Variants in ELMO1 observed in about 807,000 individuals in gnomAD.
The protein encoded by ELMO1 is engulfment and cell motility 1.
A neutral mutation model predicts 98.9 loss-of-function variants in ELMO1; 26 were observed. The observed-to-expected ratio is 0.26, with a 90% CI of 0.19 to 0.36. ELMO1 has a LOEUF of 0.36. Among genes scored for constraint, ELMO1 ranks in the 10% least tolerant of loss-of-function variants. The pLI, the probability that ELMO1 is intolerant of heterozygous loss-of-function variation, is 1.00. For synonymous variants in ELMO1, 346 were observed against 346.0 expected (o/e 1.00, Z 0.00); for missense variants, 627 against 935.2 (o/e 0.67, Z 4.30).
chr7:36,946,677 T>G (rs968456830), intron 16 of ELMO1, among the ~76,000 whole-genome samples: 1 of 152,168 alleles, frequency 6.6e-6, no homozygotes, highest in Non-Finnish European at 1.5e-5. Context: ...TCACTGAAAA[T>G]AGTCATCTCT....
At chr7:36,862,831 G>A (rs541301446) in intron 20 of ELMO1, among the ~76,000 whole-genome samples, 3 of 152,276 alleles carry the variant, frequency 2.0e-5, no homozygotes, top group Admixed American at 6.5e-5. Flanking sequence ...CTTTCTTAGG[G>A]AGCCAATCTC....
intron 1 of ELMO1, among the ~76,000 whole-genome samples, chr7:37,442,488 A>T (rs1805451784): frequency 6.6e-6 from 1 of 152,194 alleles, no homozygotes; most frequent in African/African-American, 2.4e-5. Flanking sequence ...ACCATGACTC[A>T]TCCACAGAGG....
At chr7:36,861,962 C>T in intron 20 of ELMO1, 1 of 565,128 alleles carries the variant, frequency 1.8e-6, no homozygotes, top group Non-Finnish European at 3.2e-6. Context: ...CGCATGCAGC[C>T]CATGTAGCAA....
At position 36,870,511 on chromosome 7, in the gene ELMO1, C is replaced by T; in HGVS notation, c.1823-36G>A. The T allele has an allele frequency of 6.3e-7, 1 of 1,599,564 alleles. No individual in the cohort carries two copies. Among genetic ancestry groups the T allele is most frequent in the Non-Finnish European group, 8.5e-7 (1 of 1,171,344 alleles). ...TAAAAGAAAATGCAAGTAACTACACCATGTGAAAACTTTGATGTCAATAAA... is the reference window on the plus strand; with the variant it reads ...TAAAAGAAAATGCAAGTAACTACACTATGTGAAAACTTTGATGTCAATAAA... On this transcript the variant is annotated intron_variant, in intron 19 of 21. Coordinates refer to ENST00000310758, the MANE Select transcript of ELMO1 (RefSeq NM_014800.11). The surrounding 1 kb of genome is among the most constrained non-coding windows in gnomAD (Gnocchi z 4.4).
At chr7:37,361,832 G>A (rs2700974) in intron 1 of ELMO1, among the ~76,000 whole-genome samples, 132,507 of 152,152 alleles carry the variant, frequency 0.87, 57,840 homozygotes, top group East Asian at 0.99. Context: ...GTGGTAGCAC[G>A]CACCTGTAAG....
At chr7:36,974,668 G>A (rs1164596575) in intron 16 of ELMO1, among the ~76,000 whole-genome samples, 1 of 152,170 alleles carries the variant, frequency 6.6e-6, no homozygotes, top group Non-Finnish European at 1.5e-5. Flanking sequence ...GAGAATAAAA[G>A]CAGGCTGCCC....
intron 15 of ELMO1, among the ~76,000 whole-genome samples, chr7:37,053,995 A>C (rs1051955894): frequency 1.1e-4 from 16 of 152,342 alleles, no homozygotes; most frequent in African/African-American, 2.9e-4. Context: ...CTGAATGTAT[A>C]GTTTGCATTC....
intron 16 of ELMO1, among the ~76,000 whole-genome samples, chr7:36,965,483 C>T (rs1366502098): frequency 6.6e-6 from 1 of 152,152 alleles, no homozygotes. Context: ...GAAAATGGCT[C>T]AGTAAGGGGA....
intron 2 of ELMO1, among the ~76,000 whole-genome samples, chr7:37,333,294 A>T (rs934453976): frequency 1.3e-5 from 2 of 152,232 alleles, no homozygotes; most frequent in African/African-American, 4.8e-5. Context: ...ACAGGAAAAT[A>T]AGCACAAAGT....
intron 17 of ELMO1, among the ~76,000 whole-genome samples, chr7:36,889,250 T>C (rs1354803504): frequency 6.6e-6 from 1 of 152,216 alleles, no homozygotes; most frequent in African/African-American, 2.4e-5. Context: ...GGAAATTCAG[T>C]CCTAATAATA....
At chr7:37,234,427 C>A (rs1794348611) in intron 7 of ELMO1, among the ~76,000 whole-genome samples, 1 of 152,166 alleles carries the variant, frequency 6.6e-6, no homozygotes, top group South Asian at 2.1e-4. Context: ...CAAAAATGAC[C>A]TTTGAAATTC....
chr7:37,015,207 G>T (rs1317923421), intron 15 of ELMO1, among the ~76,000 whole-genome samples: 1 of 152,152 alleles, frequency 6.6e-6, no homozygotes, highest in South Asian at 2.1e-4. Flanking sequence ...GGAAGAGTCC[G>T]GGGGTGGGGT....
At chr7:36,953,726 G>A (rs1446720195) in intron 16 of ELMO1, among the ~76,000 whole-genome samples, 1 of 152,074 alleles carries the variant, frequency 6.6e-6, no homozygotes, top group Non-Finnish European at 1.5e-5. Context: ...CATATAAAAT[G>A]AATCCATTGA....
At chr7:36,985,342 C>T (rs1469901231) in intron 16 of ELMO1, among the ~76,000 whole-genome samples, 1 of 151,968 alleles carries the variant, frequency 6.6e-6, no homozygotes, top group African/African-American at 2.4e-5. Context: ...AATTAAAAAA[C>T]ATATTTCAAT....
At chr7:37,149,981 T>C (rs151072906) in intron 13 of ELMO1, among the ~76,000 whole-genome samples, 261 of 152,334 alleles carry the variant, frequency 1.7e-3, no homozygotes, top group African/African-American at 5.6e-3. Context: ...AGGAATGTTT[T>C]CAGTAACCTT....
chr7:37,349,014 T>C (rs1801138798), intron 1 of ELMO1, among the ~76,000 whole-genome samples: 1 of 152,232 alleles, frequency 6.6e-6, no homozygotes, highest in African/African-American at 2.4e-5. Flanking sequence ...CTGTAGAAGC[T>C]GTGTGTTGGG....
chr7:36,950,291 C>T (rs1455645418), intron 16 of ELMO1, among the ~76,000 whole-genome samples: 1 of 152,232 alleles, frequency 6.6e-6, no homozygotes, highest in African/African-American at 2.4e-5. Flanking sequence ...GAGCAAGACT[C>T]AGGAACTGAG....
At chr7:37,079,323 G>A (rs1797740342) in intron 15 of ELMO1, among the ~76,000 whole-genome samples, 1 of 152,176 alleles carries the variant, frequency 6.6e-6, no homozygotes, top group Admixed American at 6.5e-5. Flanking sequence ...ACTATCTGCA[G>A]TGAAAACCAG....
chr7:37,079,413 G>T (rs903824258), intron 15 of ELMO1, among the ~76,000 whole-genome samples: 1 of 152,184 alleles, frequency 6.6e-6, no homozygotes, highest in Admixed American at 6.5e-5. Context: ...CTAGAAAAAG[G>T]ATCATGGGCT....
Sources: gnomAD v4.1 joint callset for allele counts (sites outside exome capture counted in the v4.1 genomes callset) on GRCh38, gnomAD v4.1.1 for gene constraint, Gnocchi (gnomAD v3.1) non-coding constraint, MANE v1.5 for transcripts, NCBI Gene and HGNC (gene_info 2026-07-23, HGNC 2026-07-21) for gene names.